Variants in PRELID2 observed in about 807,000 individuals in gnomAD.
The protein encoded by PRELID2 is PRELI domain-containing protein 2.
PRELID2 carries 25 observed loss-of-function variants against 28.4 expected under a neutral mutation model. The ratio of observed to expected loss-of-function variants is 0.88; its 90% CI spans 0.64 to 1.23. The LOEUF (loss-of-function observed/expected upper bound fraction) is 1.23. PRELID2 is among the 50% of genes most tolerant of loss of function. The probability of loss-of-function intolerance (pLI) is 0.00; values close to 1 mark genes in which losing one functional copy is unlikely to be tolerated. For synonymous variants in PRELID2, 76 were observed against 71.6 expected (o/e 1.06, Z -0.31); for missense variants, 201 against 214.4 (o/e 0.94, Z 0.39).
chr5:145,814,461 G>A (rs1361925081), intron 4 of PRELID2, among the ~76,000 whole-genome samples: 3 of 152,056 alleles, frequency 2.0e-5, no homozygotes, highest in Non-Finnish European at 4.4e-5. Flanking sequence ...AAACTAGCGG[G>A]TGGTTCAGAG....
the PRELID2 span, among the ~76,000 whole-genome samples, chr5:145,363,274 T>C: frequency 1.3e-5 from 2 of 152,072 alleles, no homozygotes; most frequent in Non-Finnish European, 2.9e-5. Context: ...TGTTAAATAC[T>C]AAACAACTCT....
At chr5:145,570,565 G>A (rs964655729) in intron 1 of PRELID2, among the ~76,000 whole-genome samples, 7 of 152,220 alleles carry the variant, frequency 4.6e-5, no homozygotes, top group Admixed American at 2.6e-4. Flanking sequence ...AGAATTAGCA[G>A]TAACTTCTTT....
At chr5:145,817,799 G>T in intron 4 of PRELID2, 95 bp downstream of exon 4, 1 of 1,001,386 alleles carries the variant, frequency 1.0e-6, no homozygotes, top group Non-Finnish European at 1.4e-6. Context: ...GTTATAAACA[G>T]TGGTCATAAG....
intron 1 of PRELID2, among the ~76,000 whole-genome samples, chr5:145,568,801 T>C (rs763247668): frequency 1.4e-4 from 21 of 152,198 alleles, no homozygotes; most frequent in Non-Finnish European, 3.1e-4. Context: ...GCTAGCACAA[T>C]ACTACTCTCA....
At chr5:145,501,291 T>C (rs774154514) in intron 1 of PRELID2, among the ~76,000 whole-genome samples, 1 of 152,134 alleles carries the variant, frequency 6.6e-6, no homozygotes, top group Non-Finnish European at 1.5e-5. Context: ...AAGACAATAG[T>C]TCCACTCTGC....
At chr5:145,694,493 A>C (rs1755215440) in intron 1 of PRELID2, among the ~76,000 whole-genome samples, 1 of 152,208 alleles carries the variant, frequency 6.6e-6, no homozygotes, top group Non-Finnish European at 1.5e-5. Context: ...AAAAAGATGT[A>C]TAATGTATTA....
chr5:145,288,330 A>G, the PRELID2 span, among the ~76,000 whole-genome samples: 625 of 152,202 alleles, frequency 4.1e-3, 4 homozygotes, highest in African/African-American at 0.014. Flanking sequence ...TTTTGTTACA[A>G]TCCAATACTA....
the PRELID2 span, among the ~76,000 whole-genome samples, chr5:145,443,077 T>C: frequency 6.6e-6 from 1 of 152,028 alleles, no homozygotes; most frequent in Non-Finnish European, 1.5e-5. Context: ...TTTTCTGGGA[T>C]AGGAATCTTG....
the PRELID2 span, chr5:145,429,977 A>G: frequency 6.6e-6 from 1 of 152,368 alleles, no homozygotes; most frequent in Non-Finnish European, 1.5e-5. Context: ...CAGCAGCTGA[A>G]CACAGATGCA....
At chr5:145,379,179 T>A in the PRELID2 span, among the ~76,000 whole-genome samples, 1 of 152,172 alleles carries the variant, frequency 6.6e-6, no homozygotes, top group Non-Finnish European at 1.5e-5. Flanking sequence ...TTCTTAATGA[T>A]AGGAATCCAC....
At chr5:145,621,063 T>C (rs1753767724) in intron 1 of PRELID2, among the ~76,000 whole-genome samples, 1 of 152,122 alleles carries the variant, frequency 6.6e-6, no homozygotes, top group South Asian at 2.1e-4. Flanking sequence ...ATCCAGAATA[T>C]GTAAATAACT....
At chr5:145,542,591 A>G (rs1561502850) in intron 1 of PRELID2, among the ~76,000 whole-genome samples, 1 of 152,282 alleles carries the variant, frequency 6.6e-6, no homozygotes, top group East Asian at 1.9e-4. Context: ...AGCTTTGCCT[A>G]AGGATCATAT....
At chr5:145,547,143 C>T (rs1752794727) in intron 1 of PRELID2, among the ~76,000 whole-genome samples, 1 of 152,168 alleles carries the variant, frequency 6.6e-6, no homozygotes, top group Non-Finnish European at 1.5e-5. Flanking sequence ...AATTTGGCAG[C>T]AAAGTCTGCT....
At chr5:145,665,377 G>T (rs749128197) in intron 1 of PRELID2, among the ~76,000 whole-genome samples, 65 of 152,174 alleles carry the variant, frequency 4.3e-4, no homozygotes, top group Non-Finnish European at 8.8e-4. Context: ...TCAATTAGCA[G>T]TCTGCTTTAG....
chr5:145,287,275 T>C, the PRELID2 span, among the ~76,000 whole-genome samples: 2 of 151,972 alleles, frequency 1.3e-5, no homozygotes, highest in African/African-American at 2.4e-5. Context: ...CAGTAAGAGA[T>C]TACAATAATT....
At chr5:145,817,742 T>C (rs139024778) in intron 4 of PRELID2, 152 bp downstream of exon 4, 22 of 618,890 alleles carry the variant, frequency 3.6e-5, no homozygotes, top group African/African-American at 2.9e-4. Context: ...TGCAAAAAAT[T>C]CATTAATTAC....
chr5:145,745,833 C>T (rs1756975761), intron 1 of PRELID2, among the ~76,000 whole-genome samples: 1 of 150,282 alleles, frequency 6.7e-6, no homozygotes, highest in African/African-American at 2.5e-5. Context: ...TTGCACTCCA[C>T]CCTGGGTGAT....
At chr5:145,584,089 A>C (rs892421040) in intron 1 of PRELID2, among the ~76,000 whole-genome samples, 1 of 152,114 alleles carries the variant, frequency 6.6e-6, no homozygotes, top group Admixed American at 6.6e-5. Flanking sequence ...ACAAAAACAG[A>C]CACATAGACC....
intron 1 of PRELID2, chr5:145,729,000 TC>T: frequency 1.4e-6 from 1 of 726,148 alleles, no homozygotes; most frequent in Non-Finnish European, 2.5e-6. Flanking sequence ...GGGGTCCCAC[TC>T]CCTCCTGGCC....
Sources: gnomAD v4.1 joint callset for allele counts (sites outside exome capture counted in the v4.1 genomes callset) on GRCh38, gnomAD v4.1.1 for gene constraint, MANE v1.5 for transcripts, NCBI Gene and HGNC (gene_info 2026-07-23, HGNC 2026-07-21) for gene names.